Variants in RBSN observed in about 807,000 individuals in gnomAD.
RBSN encodes rabenosyn-5.
Under a neutral mutation model 60.5 loss-of-function variants are expected in RBSN, and 34 were observed. That is an observed-to-expected ratio of 0.56 (90% confidence interval 0.43 to 0.75). The LOEUF (loss-of-function observed/expected upper bound fraction) is 0.75, where lower values mean the gene tolerates loss of function less well. Among genes scored for constraint, RBSN ranks in the 30% least tolerant of loss-of-function variants. RBSN has a pLI of 0.00. For missense variants in RBSN, 845 were observed against 986.8 expected (o/e 0.86, Z 1.92); for synonymous variants, 322 against 366.9 (o/e 0.88, Z 1.40).
At chr3:15,089,456 CAAAAAAAAAAAA>C (rs757156425) in intron 5 of RBSN, among the ~76,000 whole-genome samples, 2 of 31,464 alleles carry the variant, frequency 6.4e-5, no homozygotes, top group Non-Finnish European at 1.2e-4. Flanking sequence ...ACTCCATCTC[CAAAAAAAAAAAA>C]AAAAAAAAAC....
At chr3:15,083,819 T>C (rs1287754471) in intron 8 of RBSN, among the ~76,000 whole-genome samples, 2 of 152,182 alleles carry the variant, frequency 1.3e-5, no homozygotes, top group Non-Finnish European at 2.9e-5. Flanking sequence ...ACTGCTTATA[T>C]TCAAGACCCT....
At chr3:15,075,130 A>C (rs1025606834) in intron 13 of RBSN, 200 bp from the exon 14 acceptor site, 6 of 640,230 alleles carry the variant, frequency 9.4e-6, no homozygotes, top group Non-Finnish European at 1.6e-5. Context: ...ATTTTCAAAA[A>C]TAAAATATAA....
At chr3:15,078,805 T>TAC (rs1199917892) in intron 10 of RBSN, among the ~76,000 whole-genome samples, 2 of 112,952 alleles carry the variant, frequency 1.8e-5, no homozygotes, top group Non-Finnish European at 3.5e-5. Flanking sequence ...TATATATATA[T>TAC]ATATATATAT....
At chr3:15,091,232 A>T (rs1575106327) in intron 4 of RBSN, 1 of 460,552 alleles carries the variant, frequency 2.2e-6, no homozygotes, top group Non-Finnish European at 2.8e-6. Context: ...AAAAAAAAAA[A>T]AAAAATTAAA....
At chr3:15,096,853 A>G (rs2043673250) in intron 2 of RBSN, 143 bp from the exon 3 acceptor site, 1 of 152,204 alleles carries the variant, frequency 6.6e-6, no homozygotes, top group Non-Finnish European at 1.5e-5. Context: ...TTTGTAGAGC[A>G]CTTATCTCTA....
At chr3:15,089,491 CAG>C (rs1317001538) in intron 5 of RBSN, among the ~76,000 whole-genome samples, 1 of 85,518 alleles carries the variant, frequency 1.2e-5, no homozygotes, top group Non-Finnish European at 2.6e-5. Context: ...AAAAAAAAAA[CAG>C]ATATGTAAGA....
chr3:15,093,734 C>G (rs2043577262), intron 4 of RBSN, among the ~76,000 whole-genome samples: 1 of 152,124 alleles, frequency 6.6e-6, no homozygotes, highest in Admixed American at 6.6e-5. Context: ...CAGAGTTTCA[C>G]TCTGCTGCCC....
chr3:15,097,477 T>C (rs778960934), intron 2 of RBSN, among the ~76,000 whole-genome samples: 1 of 152,112 alleles, frequency 6.6e-6, no homozygotes, highest in South Asian at 2.1e-4. Flanking sequence ...ATCATGCCAT[T>C]GCACTCCAGC....
Position 15,082,467 on chromosome 3 carries a change from T to C in RBSN, c.740A>G (p.Asp247Gly), listed in dbSNP as rs1196975653. 2 of 1,614,164 alleles carry C rather than the reference T, an allele frequency of 1.2e-6. No homozygotes were observed. Among genetic ancestry groups the C allele is most frequent in the Admixed American group, 1.7e-5 (1 of 60,018 alleles). Residue 247 changes from aspartate (D) to glycine (G), a missense_variant, in exon 9 of 14, where the codon GAC becomes GGC. Coordinates refer to ENST00000253699, the MANE Select transcript of RBSN (RefSeq NM_022340.4). The surrounding 1 kb of genome is among the most constrained non-coding windows in gnomAD (Gnocchi z 4.2). Reference sequence around the variant, plus strand: ...GCAGTGTGTACAGCAGCGGATCCGGTCATCGTCCTTCTCATCCAGGACCGA... The same window carrying C: ...GCAGTGTGTACAGCAGCGGATCCGGCCATCGTCCTTCTCATCCAGGACCGA... ...VSSVLDEKDD[D>G]RIRCCTHCKD...
Position 15,071,813 on chromosome 3 carries a change from CCTAGAG to C in RBSN, c.*1963_*1968del, listed in dbSNP as rs1274270812. 2 of 152,600 alleles carry C rather than the reference CCTAGAG, an allele frequency of 1.3e-5. No individual in the cohort carries two copies. The highest frequency in any genetic ancestry group is 2.9e-5 in the Non-Finnish European group (2 of 68,028). 9.5% of individuals were successfully genotyped at this position (152,600 alleles called of 1,614,324 possible). On this transcript the variant is annotated 3_prime_UTR_variant, in exon 14 of 14. Transcript: ENST00000253699. The stretch of plus-strand genomic sequence containing the variant: ...ACACCAGTAACCAGTGAAAGTATGG[CCTAGAG>C]CTAGTTACACGGCATAAAGTGACTA...
At position 15,084,808 on chromosome 3, in the gene RBSN, G is replaced by A. The variant is rs776573339; in HGVS notation, c.525C>T (p.Arg175=). 1.1e-5 allele frequency: 18 copies of A among 1,614,086 alleles called. No individual in the cohort carries two copies. The African/African-American group carries it at 2.3e-4, about 20-fold the overall frequency. Reference sequence around the variant, plus strand: ...ACCCGCAGAGGCGGCAGTGGTGGCGGCGGTTCCGGATGCTGAACTTATTCC... The same window carrying A: ...ACCCGCAGAGGCGGCAGTGGTGGCGACGGTTCCGGATGCTGAACTTATTCC... The part of the protein sequence containing the change: ...DCGNKFSIRN[R]RHHCRLCGSI... Residue 175 remains arginine (R), a synonymous_variant, in exon 8 of 14, where the codon CGC becomes CGT. Transcript: ENST00000253699. This position sits in a 1 kb window ranked among gnomAD's most constrained non-coding sequence, Gnocchi z 4.2.
At chr3:15,078,803 T>TAC (rs2043129155) in intron 10 of RBSN, among the ~76,000 whole-genome samples, 1 of 100,800 alleles carries the variant, frequency 9.9e-6, no homozygotes, top group Admixed American at 9.8e-5. Context: ...TATATATATA[T>TAC]ATATATATAT....
chr3:15,084,618 A>C lies in RBSN; in HGVS notation c.598+117T>G. 1.5e-6 allele frequency: 2 copies of C among 1,323,616 alleles called. No individual in the cohort carries two copies. The highest frequency in any genetic ancestry group is 2.1e-6 in the Non-Finnish European group (2 of 967,274). The allele number at this position is 1,323,616 out of a possible 1,614,324, so 82.0% of individuals were successfully genotyped here. Reference sequence around the variant, plus strand: ...CACAGAAACAGCAACTCAATGAATGAAGATTCCCATGAGCCATTAATTTAA... The same window carrying C: ...CACAGAAACAGCAACTCAATGAATGCAGATTCCCATGAGCCATTAATTTAA... On this transcript the variant is annotated intron_variant, in intron 8 of 13. Transcript: ENST00000253699. This position sits in a 1 kb window ranked among gnomAD's most constrained non-coding sequence, Gnocchi z 4.2.
intron 9 of RBSN, chr3:15,081,169 C>T (rs2043197423): frequency 5.7e-6 from 1 of 176,348 alleles, no homozygotes; most frequent in Non-Finnish European, 1.2e-5. Context: ...ACGCTGCCAC[C>T]ACGCCCGGCT....
At chr3:15,076,941 C>A (rs2043067963) in intron 12 of RBSN, 121 bp downstream of exon 12, 1 of 788,880 alleles carries the variant, frequency 1.3e-6, no homozygotes. Context: ...TTCATAATTT[C>A]AAAAAATAAT....
At chr3:15,080,027 G>A (rs1447465814) in intron 10 of RBSN, among the ~76,000 whole-genome samples, 7 of 152,108 alleles carry the variant, frequency 4.6e-5, no homozygotes, top group African/African-American at 1.7e-4. Flanking sequence ...GGTGGATCAC[G>A]AGGTCAAGAG....
In RBSN at chr3:15,074,299, T is replaced by C; in HGVS notation, c.1838A>G (p.Gln613Arg). The C allele has an allele frequency of 6.2e-7, 1 of 1,614,092 alleles. No individual in the cohort carries two copies. Among genetic ancestry groups the C allele is most frequent in the Non-Finnish European group, 8.5e-7 (1 of 1,179,982 alleles). Residue 613 changes from glutamine (Q) to arginine (R), a missense_variant, in exon 14 of 14, where the codon CAG becomes CGG. By Grantham distance (43) the Gln-to-Arg change is conservative (BLOSUM62 1). Coordinates refer to ENST00000253699, the MANE Select transcript of RBSN (RefSeq NM_022340.4). This position sits in a 1 kb window ranked among gnomAD's most constrained non-coding sequence, Gnocchi z 6.4. ...CTCATGTTGCTGTGGCATGCTGCTCTGGGGTAAGCGCTCCTGGCCAACGGC... is the reference window on the plus strand; with the variant it reads ...CTCATGTTGCTGTGGCATGCTGCTCCGGGGTAAGCGCTCCTGGCCAACGGC... ...PPAVGQERLP[Q>R]SSMPQQHEGP...
At chr3:15,075,992 T>C (rs555824217) in intron 12 of RBSN, among the ~76,000 whole-genome samples, 1 of 152,216 alleles carries the variant, frequency 6.6e-6, no homozygotes, top group East Asian at 1.9e-4. Flanking sequence ...TCCTATTAAC[T>C]TAGCAAACCT....
At chr3:15,097,265 AG>A (rs1361642821) in intron 2 of RBSN, among the ~76,000 whole-genome samples, 5 of 152,206 alleles carry the variant, frequency 3.3e-5, no homozygotes, top group Non-Finnish European at 5.9e-5. Context: ...CTGTAATCCC[AG>A]CACTTTGGGA....
Sources: allele counts gnomAD v4.1 joint callset (sites outside exome capture counted in the v4.1 genomes callset), GRCh38; gene constraint gnomAD v4.1.1; non-coding constraint Gnocchi (gnomAD v3.1); transcripts MANE v1.5; gene names NCBI Gene and HGNC (gene_info 2026-07-23, HGNC 2026-07-21).